Variants in ZNF423 observed in about 807,000 individuals in gnomAD.
ZNF423 encodes the protein Ebf-associated zinc finger protein.
Under a neutral mutation model 95.8 loss-of-function variants are expected in ZNF423, and 12 were observed. That is an observed-to-expected ratio of 0.13 (90% confidence interval 0.08 to 0.20). The LOEUF is 0.20. Among genes scored for constraint, ZNF423 ranks in the 10% least tolerant of loss-of-function variants. The pLI, the probability that ZNF423 is intolerant of heterozygous loss-of-function variation, is 1.00. For synonymous variants in ZNF423, 749 were observed against 711.9 expected, an observed-to-expected ratio of 1.05 and a Z score of -0.83; for missense variants, 1,316 against 1,737.1, an observed-to-expected ratio of 0.76 and a Z score of 4.31.
chr16:49,820,312 G>A (rs1456571945), intron 1 of ZNF423, among the ~76,000 whole-genome samples: 1 of 152,200 alleles, frequency 6.6e-6, no homozygotes, highest in Non-Finnish European at 1.5e-5. Context: ...ATGAGCAGCA[G>A]AGGAATATCC....
upstream of ZNF423, among the ~76,000 whole-genome samples, chr16:49,856,912 C>G (rs1567374464): frequency 9.9e-6 from 1 of 101,194 alleles, no homozygotes; most frequent in South Asian, 3.3e-4. Context: ...AAGAGGAGGA[C>G]GAGCAGGCGG....
chr16:49,590,736 G>A (rs889807014), intron 5 of ZNF423, among the ~76,000 whole-genome samples: 5 of 152,172 alleles, frequency 3.3e-5, no homozygotes, highest in African/African-American at 1.2e-4. Context: ...AGAACCAGGG[G>A]CCTCCCAGTA....
intron 3 of ZNF423, among the ~76,000 whole-genome samples, chr16:49,704,744 C>A (rs2143031086): frequency 6.6e-6 from 1 of 152,330 alleles, no homozygotes; most frequent in South Asian, 2.1e-4. Flanking sequence ...AGAGCACACA[C>A]ACACACCAGA....
intron 3 of ZNF423, among the ~76,000 whole-genome samples, chr16:49,684,968 G>A (rs1050820439): frequency 1.5e-4 from 23 of 152,312 alleles, no homozygotes; most frequent in African/African-American, 5.5e-4. Flanking sequence ...GCAGGGGCAC[G>A]CGAACCACCA....
rs141255837 is a variant in ZNF423, at chr16:49,543,641, C to T, written c.3602-18147G>A. Among the ~76,000 whole-genome samples the T allele has an allele frequency of 4.4e-3, 668 of 152,230 alleles. 7 individuals carry two copies. The highest frequency in any genetic ancestry group is 0.016 in the African/African-American group (655 of 41,558). ...AGCCCGGGAGGAATGGGGCGCCTGG[C>T]GGGTGGGCGGGGGCAGCGTGGAACC... On this transcript the variant is annotated intron_variant, in intron 5 of 7. Transcript: ENST00000563137.
At chr16:49,504,561 G>A (rs543844188) in intron 7 of ZNF423, among the ~76,000 whole-genome samples, 2 of 152,280 alleles carry the variant, frequency 1.3e-5, no homozygotes, top group East Asian at 1.9e-4. Context: ...CAGCCTGGGT[G>A]ACAAAATGAG....
intron 3 of ZNF423, among the ~76,000 whole-genome samples, chr16:49,713,613 C>G (rs375705138): frequency 1.9e-3 from 290 of 152,302 alleles, no homozygotes; most frequent in African/African-American, 6.6e-3. Context: ...TTCCCCTGCC[C>G]GCTTCTGCAA....
chr16:49,610,794 C>A (rs762386148), intron 5 of ZNF423, among the ~76,000 whole-genome samples: 2 of 151,922 alleles, frequency 1.3e-5, no homozygotes, highest in Non-Finnish European at 2.9e-5. Flanking sequence ...TATAACAATA[C>A]TGGCAGGTTG....
At chr16:49,685,461 C>A (rs1455284374) in intron 3 of ZNF423, among the ~76,000 whole-genome samples, 1 of 152,140 alleles carries the variant, frequency 6.6e-6, no homozygotes, top group Non-Finnish European at 1.5e-5. Flanking sequence ...CAGCTTTGTC[C>A]CCCAGGCCCC....
chr16:49,618,790 C>T (rs1971963542), intron 5 of ZNF423, among the ~76,000 whole-genome samples: 1 of 152,132 alleles, frequency 6.6e-6, no homozygotes, highest in Non-Finnish European at 1.5e-5. Flanking sequence ...CACCTGTCAC[C>T]CAAAACCTGG....
At chr16:49,501,556 C>A (rs1161673707) in intron 7 of ZNF423, among the ~76,000 whole-genome samples, 1 of 151,688 alleles carries the variant, frequency 6.6e-6, no homozygotes. Flanking sequence ...AAGCATTCCA[C>A]CAAAAAGAAA....
At chr16:49,731,374 G>A (rs1421949517) in intron 2 of ZNF423, 11 of 985,256 alleles carry the variant, frequency 1.1e-5, no homozygotes, top group Non-Finnish European at 1.2e-5. Flanking sequence ...ATTTAGAGCT[G>A]GGAGATCTCT....
chr16:49,557,114 A>G (rs1295913706), intron 5 of ZNF423, among the ~76,000 whole-genome samples: 1 of 152,224 alleles, frequency 6.6e-6, no homozygotes, highest in Non-Finnish European at 1.5e-5. Flanking sequence ...AAGGTTATAA[A>G]TGAAAATGAT....
chr16:49,664,944 AG>A lies in ZNF423; in HGVS notation c.302-26071del, dbSNP rs564763608. On this transcript the variant is annotated intron_variant, in intron 3 of 7. Transcript: ENST00000563137. ...TCATTGTGGGCACATTGTACTCCCAAGGCCTGCTTGCCTGTAAGTGCTGTAA... is the reference window on the plus strand; with the variant it reads ...TCATTGTGGGCACATTGTACTCCCAAGCCTGCTTGCCTGTAAGTGCTGTAA... Among the ~76,000 whole-genome samples, 285 of 152,360 alleles carry A rather than the reference AG, an allele frequency of 1.9e-3. 1 individual carries two copies. Among genetic ancestry groups the A allele is most frequent in the Non-Finnish European group, 2.7e-3 (183 of 68,032 alleles).
chr16:49,542,840 C>T (rs543295924), intron 5 of ZNF423, among the ~76,000 whole-genome samples: 2 of 152,294 alleles, frequency 1.3e-5, no homozygotes, highest in African/African-American at 4.8e-5. Flanking sequence ...TCAGCGGAAA[C>T]TTGGCAACGA....
At chr16:49,643,431 C>G (rs1463120466) in intron 3 of ZNF423, among the ~76,000 whole-genome samples, 1 of 152,104 alleles carries the variant, frequency 6.6e-6, no homozygotes, top group Non-Finnish European at 1.5e-5. Context: ...GATGAGAAAA[C>G]CAGGGCACAG....
At chr16:49,854,716 G>A (rs1033505072) in intron 1 of ZNF423, 2 of 985,480 alleles carry the variant, frequency 2.0e-6, no homozygotes, top group East Asian at 1.1e-4. Context: ...GGCCAGGGGA[G>A]GGGCTCTGCT....
intron 3 of ZNF423, among the ~76,000 whole-genome samples, chr16:49,654,347 G>A (rs1413217866): frequency 6.6e-6 from 1 of 152,188 alleles, no homozygotes; most frequent in African/African-American, 2.4e-5. Flanking sequence ...GCATGGCTAA[G>A]AGTAGGTCCT....
Position 49,487,602 on chromosome 16 carries a change from A to T in ZNF423, c.*3673T>A, listed in dbSNP as rs964145809. 2 of 152,170 alleles carry T rather than the reference A, an allele frequency of 1.3e-5. No individual in the cohort carries two copies. The highest frequency in any genetic ancestry group is 4.8e-5 in the African/African-American group (2 of 41,430). 9.4% of individuals were successfully genotyped at this position (152,170 alleles called of 1,614,324 possible). On this transcript the variant is annotated 3_prime_UTR_variant, in exon 8 of 8. Transcript: ENST00000563137. ...AATAAAATTAACAATGGAGTCAGAC[A>T]CCCCAGGCTGGAAGGTGAGGCACCC...
Sources: allele counts gnomAD v4.1 joint callset (sites outside exome capture counted in the v4.1 genomes callset), GRCh38; gene constraint gnomAD v4.1.1; transcripts MANE v1.5; gene names NCBI Gene and HGNC (gene_info 2026-07-23, HGNC 2026-07-21).